Variants in NEDD4L observed in about 807,000 individuals in gnomAD.
The protein encoded by NEDD4L is NEDD4 like E3 ubiquitin protein ligase, also known as E3 ubiquitin-protein ligase NEDD4-like.
In NEDD4L, 54 loss-of-function variants were observed where a neutral mutation model predicts 148.9. That is an observed-to-expected ratio of 0.36 (90% CI 0.29 to 0.45). NEDD4L has a LOEUF of 0.45. NEDD4L is among the 20% of genes least tolerant of loss of function. NEDD4L has a pLI of 1.00. For missense variants in NEDD4L, 856 were observed against 1,233.8 expected, an observed-to-expected ratio of 0.69 and a Z score of 4.59; for synonymous variants, 433 against 440.7, an observed-to-expected ratio of 0.98 and a Z score of 0.22.
At chr18:58,078,539 G>A (rs1485273160) in intron 1 of NEDD4L, among the ~76,000 whole-genome samples, 2 of 152,090 alleles carry the variant, frequency 1.3e-5, no homozygotes. Flanking sequence ...GGAGAATGGG[G>A]GCATTTTTCC....
At chr18:58,283,947 A>C (rs553778754) in intron 5 of NEDD4L, among the ~76,000 whole-genome samples, 26 of 152,206 alleles carry the variant, frequency 1.7e-4, no homozygotes, top group Admixed American at 3.3e-4. Context: ...CACTGGGAGA[A>C]TGCCATGGAA....
At chr18:58,288,935 A>G (rs899383032) in intron 5 of NEDD4L, among the ~76,000 whole-genome samples, 1 of 152,252 alleles carries the variant, frequency 6.6e-6, no homozygotes, top group African/African-American at 2.4e-5. Context: ...ACCCAGAGGC[A>G]TAAATGGAAG....
At chr18:58,079,635 G>A (rs2145070560) in intron 1 of NEDD4L, among the ~76,000 whole-genome samples, 1 of 152,340 alleles carries the variant, frequency 6.6e-6, no homozygotes, top group Admixed American at 6.5e-5. Flanking sequence ...CTCCCCGCAT[G>A]CACCACATGG....
chr18:58,093,482 T>C (rs1486854009), intron 1 of NEDD4L, among the ~76,000 whole-genome samples: 1 of 152,064 alleles, frequency 6.6e-6, no homozygotes, highest in Non-Finnish European at 1.5e-5. Context: ...TCTTGAAAAG[T>C]AGGAGTAGCG....
intron 5 of NEDD4L, among the ~76,000 whole-genome samples, chr18:58,273,391 T>C (rs2148847054): frequency 6.6e-6 from 1 of 152,342 alleles, no homozygotes. Context: ...CTTTGGTATT[T>C]ACAGAGGATC....
rs978871468 is a variant in NEDD4L, at chr18:58,114,340, T to A, written c.49-51448T>A. Among the ~76,000 whole-genome samples, 21 of 150,024 alleles carry A rather than the reference T, an allele frequency of 1.4e-4. 1 individual carries two copies. Among genetic ancestry groups the A allele is most frequent in the African/African-American group, 3.9e-4 (16 of 40,682 alleles). ...TGCTTTTGGAATCCATTGGGAGATT[T>A]AAAAAAAATATATATATATATACAC... On this transcript the variant is annotated intron_variant, in intron 1 of 30. Transcript: ENST00000400345.
At chr18:58,069,113 G>A (rs1190563531) in intron 1 of NEDD4L, among the ~76,000 whole-genome samples, 1 of 138,468 alleles carries the variant, frequency 7.2e-6, no homozygotes, top group African/African-American at 2.8e-5. Flanking sequence ...TCCAGCCTGT[G>A]TGATAGAGTG....
chr18:58,328,489 A>C (rs4058287), intron 9 of NEDD4L, among the ~76,000 whole-genome samples: 1 of 152,030 alleles, frequency 6.6e-6, no homozygotes, highest in African/African-American at 2.4e-5. Context: ...AAAAAAATTC[A>C]TGTTGGATCA....
intron 2 of NEDD4L, among the ~76,000 whole-genome samples, chr18:58,239,088 C>G (rs2046345110): frequency 6.6e-6 from 1 of 152,158 alleles, no homozygotes; most frequent in African/African-American, 2.4e-5. Context: ...TTGTCATTAA[C>G]AAAACGGGTT....
intron 5 of NEDD4L, among the ~76,000 whole-genome samples, chr18:58,305,874 G>A (rs2056999751): frequency 6.6e-6 from 1 of 152,152 alleles, no homozygotes; most frequent in Non-Finnish European, 1.5e-5. Context: ...GGAGCCGGGA[G>A]ACTTAGCTTT....
intron 1 of NEDD4L, among the ~76,000 whole-genome samples, chr18:58,153,748 G>A (rs1287453798): frequency 1.3e-5 from 2 of 151,790 alleles, no homozygotes; most frequent in Admixed American, 6.6e-5. Flanking sequence ...ATGGGTTCAC[G>A]CTGTTCTCCT....
chr18:58,287,069 G>T (rs1391053540), intron 5 of NEDD4L, among the ~76,000 whole-genome samples: 1 of 151,854 alleles, frequency 6.6e-6, no homozygotes, highest in Non-Finnish European at 1.5e-5. Context: ...GAAACTAGGA[G>T]AGCTGTTTTA....
intron 1 of NEDD4L, among the ~76,000 whole-genome samples, chr18:58,138,839 C>T (rs902469175): frequency 6.6e-6 from 1 of 152,226 alleles, no homozygotes; most frequent in African/African-American, 2.4e-5. Context: ...CGTAAAGGCT[C>T]CACCTTCCAA....
intron 1 of NEDD4L, among the ~76,000 whole-genome samples, chr18:58,090,339 T>C (rs1029110506): frequency 1.3e-5 from 2 of 152,214 alleles, no homozygotes; most frequent in African/African-American, 4.8e-5. Flanking sequence ...TTAAAAGTTT[T>C]TGTCATTGGG....
intron 18 of NEDD4L, among the ~76,000 whole-genome samples, chr18:58,354,451 A>C (rs1465999519): frequency 2.6e-5 from 4 of 152,172 alleles, no homozygotes; most frequent in African/African-American, 7.2e-5. Flanking sequence ...TTTAAAAAAA[A>C]AAAAAAAGGA....
chr18:58,318,623 C>T (rs911499708), intron 6 of NEDD4L, among the ~76,000 whole-genome samples: 2 of 152,202 alleles, frequency 1.3e-5, no homozygotes, highest in Middle Eastern at 3.2e-3. Context: ...TTTCAACTGC[C>T]GTTTTCACAT....
At position 58,273,807 on chromosome 18, in the gene NEDD4L, G is replaced by A. The variant is rs995699596; in HGVS notation, c.297+21753G>A. On this transcript the variant is annotated intron_variant, in intron 5 of 30. Transcript: ENST00000400345. Reference sequence around the variant, plus strand: ...TGGTAGACTGCAGAACCTTCGGCGCGGATTTTAAGTCCATCTTTAAAACCA... The same window carrying A: ...TGGTAGACTGCAGAACCTTCGGCGCAGATTTTAAGTCCATCTTTAAAACCA... Among the ~76,000 whole-genome samples, 8 of 152,152 alleles carry A rather than the reference G, an allele frequency of 5.3e-5. No individual in the cohort carries two copies. The East Asian group carries it at 5.8e-4, about 11-fold the overall frequency.
chr18:58,093,537 C>A (rs2145342622), intron 1 of NEDD4L, among the ~76,000 whole-genome samples: 1 of 152,288 alleles, frequency 6.6e-6, no homozygotes, highest in Non-Finnish European at 1.5e-5. Flanking sequence ...ATCTCCCACC[C>A]CACCCAAATT....
At chr18:58,306,786 C>T (rs528647713) in intron 5 of NEDD4L, among the ~76,000 whole-genome samples, 9 of 152,198 alleles carry the variant, frequency 5.9e-5, no homozygotes, top group South Asian at 2.1e-4. Context: ...CCACCACGCC[C>T]GGCTAATTTT....
Sources: allele counts gnomAD v4.1 joint callset (sites outside exome capture counted in the v4.1 genomes callset), GRCh38; gene constraint gnomAD v4.1.1; transcripts MANE v1.5; gene names NCBI Gene and HGNC (gene_info 2026-07-23, HGNC 2026-07-21).